The following C7orf57 variants were observed in gnomAD, a reference collection of about 807,000 sequenced individuals.
C7orf57 encodes uncharacterized protein C7orf57.
In C7orf57, 33 loss-of-function variants were observed where a neutral mutation model predicts 39.0. The observed-to-expected ratio is 0.85, with a 90% CI of 0.64 to 1.13. The LOEUF is 1.13. C7orf57 is among the 50% of genes most tolerant of loss of function. The pLI is 0.00. For missense variants in C7orf57, 346 were observed against 362.3 expected (o/e 0.95, Z 0.37); for synonymous variants, 124 against 137.1 (o/e 0.90, Z 0.67).
chr7:48,050,858 A>T (rs900601657), intron 6 of C7orf57, among the ~76,000 whole-genome samples: 1 of 151,994 alleles, frequency 6.6e-6, no homozygotes, highest in Non-Finnish European at 1.5e-5. Flanking sequence ...TTGTAGAGAC[A>T]AGATCTCACT....
In C7orf57 at chr7:48,046,483, A is replaced by C; in HGVS notation, c.374A>C (p.Asp125Ala). Residue 125 changes from aspartate to alanine, a missense_variant, in exon 5 of 9, where the codon GAT becomes GCT. By Grantham distance (126) the Asp-to-Ala change is moderately radical. Coordinates refer to ENST00000348904, the MANE Select transcript of C7orf57 (RefSeq NM_001100159.3). Reference protein sequence around the residue: ...QQEVRAVSMPDYMVHEEFNPD... With the variant: ...QQEVRAVSMPAYMVHEEFNPD... The stretch of plus-strand genomic sequence containing the variant: ...AGAGTGCGGGCTGTCTCCATGCCGG[A>C]TTACATGGTTCATGAAGAATTTAAC... 6.2e-7 allele frequency: 1 copy of C among 1,613,712 alleles called. No homozygotes were observed. Among genetic ancestry groups the C allele is most frequent in the Non-Finnish European group, 8.5e-7 (1 of 1,179,790 alleles).
intron 1 of C7orf57, 57 bp from the exon 2 acceptor site, chr7:48,036,151 G>A: frequency 1.4e-6 from 1 of 727,000 alleles, no homozygotes; most frequent in East Asian, 2.7e-5. Flanking sequence ...CTGCAGGCGT[G>A]TCAGGGCGAG....
In C7orf57 at chr7:48,060,877, C is replaced by A. The variant is rs1791271130; in HGVS notation, c.*605C>A. The A allele has an allele frequency of 6.6e-6, 1 of 151,694 alleles. No homozygotes were observed. The highest frequency in any genetic ancestry group is 2.4e-5 in the African/African-American group (1 of 41,308). 9.4% of individuals were successfully genotyped at this position (151,694 alleles called of 1,614,324 possible). On this transcript the variant is annotated 3_prime_UTR_variant, in exon 9 of 9. Coordinates refer to ENST00000348904, the MANE Select transcript of C7orf57 (RefSeq NM_001100159.3). ...TTAAACATTTGTTATTTTGTATAAACCTTTAAGTAAAAATATGCTGTTTTA... is the reference window on the plus strand; with the variant it reads ...TTAAACATTTGTTATTTTGTATAAAACTTTAAGTAAAAATATGCTGTTTTA...
intron 1 of C7orf57, 106 bp from the exon 2 acceptor site, chr7:48,036,102 C>G (rs1013971316): frequency 7.8e-6 from 5 of 640,270 alleles, no homozygotes; most frequent in Admixed American, 2.5e-5. Flanking sequence ...TGCTGTATAC[C>G]CTGCATGGAA....
chr7:48,046,999 G>A (rs1327918151), intron 5 of C7orf57, among the ~76,000 whole-genome samples: 1 of 152,128 alleles, frequency 6.6e-6, no homozygotes, highest in African/African-American at 2.4e-5. Context: ...GACACTCTTT[G>A]TTGATAATAA....
intron 4 of C7orf57, among the ~76,000 whole-genome samples, chr7:48,044,127 C>CTCTA (rs1790639959): frequency 6.6e-6 from 1 of 152,172 alleles, no homozygotes; most frequent in Admixed American, 6.5e-5. Flanking sequence ...AATGGCGAGC[C>CTCTA]TCTAGCCCGA....
intron 2 of C7orf57, among the ~76,000 whole-genome samples, chr7:48,039,022 A>T (rs1488293512): frequency 1.3e-5 from 2 of 152,182 alleles, no homozygotes; most frequent in African/African-American, 4.8e-5. Context: ...ATGCAGATGA[A>T]GTCTCCAGGT....
chr7:48,046,322 G>A, intron 4 of C7orf57, 138 bp from the exon 5 acceptor site: 1 of 719,996 alleles, frequency 1.4e-6, no homozygotes. Flanking sequence ...AGAGGAGAAA[G>A]GAAAGGAGGG....
Position 48,041,316 on chromosome 7 carries a change from C to T in C7orf57, c.56-18C>T, listed in dbSNP as rs543935129. ...GACACACAGCAACAGTGTGGCCCTC[C>T]GCCTCTCTCCTCTATAGATTGGTAT... On this transcript the variant is annotated intron_variant, in intron 2 of 8. Transcript: ENST00000348904. The T allele has an allele frequency of 4.3e-5, 68 of 1,596,540 alleles. No homozygotes were observed. The South Asian group carries it at 5.5e-4, about 13-fold the overall frequency.
At chr7:48,044,033 T>C (rs183508287) in intron 4 of C7orf57, among the ~76,000 whole-genome samples, 200 of 152,240 alleles carry the variant, frequency 1.3e-3, no homozygotes, top group Middle Eastern at 6.8e-3. Context: ...TGAGAAGCTG[T>C]GGGTCACGGA....
At chr7:48,044,842 C>T (rs1790667570) in intron 4 of C7orf57, among the ~76,000 whole-genome samples, 1 of 152,212 alleles carries the variant, frequency 6.6e-6, no homozygotes, top group Non-Finnish European at 1.5e-5. Context: ...TCCAGAACCA[C>T]CTGTCGTGGA....
chr7:48,039,169 C>A (rs987152325), intron 2 of C7orf57, among the ~76,000 whole-genome samples: 7 of 152,212 alleles, frequency 4.6e-5, no homozygotes, highest in Non-Finnish European at 8.8e-5. Context: ...ATTTTCCCCA[C>A]AAGAGACAGC....
At chr7:48,047,173 G>GCCAGCTCCCCTC (rs1790741962) in intron 5 of C7orf57, among the ~76,000 whole-genome samples, 3 of 152,162 alleles carry the variant, frequency 2.0e-5, no homozygotes, top group African/African-American at 7.2e-5. Context: ...TTGTTGGGAA[G>GCCAGCTCCCCTC]TCTTGACAGG....
chr7:48,060,360 G>T lies in C7orf57; in HGVS notation c.*88G>T. On this transcript the variant is annotated 3_prime_UTR_variant, in exon 9 of 9. Transcript: ENST00000348904. ...TAGCTATATTTCTGAGGCTTTTTTT[G>T]TATTTTATTAATATAGACTCTCATT... 2 of 817,904 alleles carry T rather than the reference G, an allele frequency of 2.4e-6. No individual in the cohort carries two copies. The highest frequency in any genetic ancestry group is 3.7e-6 in the Non-Finnish European group (2 of 534,092). The allele number at this position is 817,904 out of a possible 1,614,324, so 50.7% of individuals were successfully genotyped here. A position where few individuals can be genotyped will look rare whatever the true frequency, so the allele number is the denominator to read the frequency against.
chr7:48,052,751 T>C lies in C7orf57; in HGVS notation c.657T>C (p.Asn219=), dbSNP rs1027665671. ...CCAATTTTTCCAAACTCATTAGCAA[T>C]GGTTATAAGGATGAGTGGTTGCAGC... ...SPTNFSKLIS[N]GYKDEWLQQQ... The change falls in exon 7 of 9, where the codon AAT becomes AAC. Residue 219 remains asparagine (N), a synonymous_variant. Transcript: ENST00000348904. 3 of 1,613,792 alleles carry C rather than the reference T, an allele frequency of 1.9e-6. No homozygotes were observed. Among genetic ancestry groups the C allele is most frequent in the Non-Finnish European group, 2.5e-6 (3 of 1,179,866 alleles).
intron 3 of C7orf57, 37 bp from the exon 4 acceptor site, chr7:48,043,444 C>T (rs778472079): frequency 9.3e-6 from 14 of 1,508,794 alleles, no homozygotes; most frequent in South Asian, 4.6e-5. Flanking sequence ...GTAGGGGCGG[C>T]GGGGTGTCTC....
chr7:48,037,749 C>CTGTGTGTGTGTG (rs71006544), intron 2 of C7orf57, among the ~76,000 whole-genome samples: 7,921 of 150,556 alleles, frequency 0.053, 235 homozygotes, highest in East Asian at 0.15. Flanking sequence ...CTTTAACCCT[C>CTGTGTGTGTGTG]TGTGTGTGTG....
At position 48,043,570 on chromosome 7, in the gene C7orf57, C is replaced by G. The variant is rs765482186; in HGVS notation, c.331C>G (p.Pro111Ala). ...PDWYIHHSKP[P>A]TASQQEVRAV... is the part of the protein sequence containing the mutation. ...CTGGTATATCCACCACAGCAAGCCA[C>G]CGACAGCCAGCCAGCAAGAGTAAGT... is the stretch of plus-strand genomic sequence containing the variant. Residue 111 changes from proline (P) to alanine (A), a missense_variant, in exon 4 of 9, where the codon CCG becomes GCG. Physicochemically the swap from Pro to Ala is conservative, Grantham distance 27. Transcript: ENST00000348904. 17 of 1,613,806 alleles carry G rather than the reference C, an allele frequency of 1.1e-5. No homozygotes were observed. In the East Asian group the frequency reaches 3.8e-4, roughly 36 times the overall value.
chr7:48,044,441 G>C (rs1301599813), intron 4 of C7orf57, among the ~76,000 whole-genome samples: 2 of 152,226 alleles, frequency 1.3e-5, no homozygotes, highest in Non-Finnish European at 2.9e-5. Context: ...TCAGGCAATA[G>C]ATGATTGACT....
Sources: gnomAD v4.1 joint callset for allele counts (sites outside exome capture counted in the v4.1 genomes callset) on GRCh38, gnomAD v4.1.1 for gene constraint, MANE v1.5 for transcripts, NCBI Gene and HGNC (gene_info 2026-07-23, HGNC 2026-07-21) for gene names.